Variants in LUZP2 observed in about 807,000 individuals in gnomAD.
LUZP2 encodes leucine zipper protein 2.
LUZP2 carries 52 observed loss-of-function variants against 51.6 expected under a neutral mutation model. The observed-to-expected ratio is 1.01, with a 90% CI of 0.81 to 1.27. LUZP2 has a LOEUF of 1.27. LUZP2 is among the 50% of genes most tolerant of loss of function. The pLI, the probability that LUZP2 is intolerant of heterozygous loss-of-function variation, is 0.00. For missense variants in LUZP2, 436 were observed against 395.4 expected (o/e 1.10, Z -0.87); for synonymous variants, 154 against 137.3 (o/e 1.12, Z -0.85).
intron 10 of LUZP2, among the ~76,000 whole-genome samples, chr11:25,071,395 T>G (rs891263025): frequency 6.6e-6 from 1 of 151,480 alleles, no homozygotes; most frequent in Non-Finnish European, 1.5e-5. Flanking sequence ...TAAAGTATAA[T>G]AATAATAAAA....
chr11:24,745,462 C>T (rs2716443), intron 4 of LUZP2, among the ~76,000 whole-genome samples: 51,159 of 151,890 alleles, frequency 0.34, 9,242 homozygotes, highest in East Asian at 0.57. Context: ...TATATAATGT[C>T]CCACTTTGTC....
At chr11:24,920,968 A>G (rs79461773) in intron 7 of LUZP2, among the ~76,000 whole-genome samples, 2,329 of 152,258 alleles carry the variant, frequency 0.015, 58 homozygotes, top group African/African-American at 0.052. Flanking sequence ...AATATTTTTA[A>G]AAACACATAA....
At chr11:24,534,234 A>G (rs1272804658) in intron 1 of LUZP2, among the ~76,000 whole-genome samples, 1 of 150,984 alleles carries the variant, frequency 6.6e-6, no homozygotes, top group Admixed American at 6.6e-5. Flanking sequence ...TCTGAGATTA[A>G]AAAAAACAAA....
At chr11:24,951,217 C>A (rs1054501432) in intron 7 of LUZP2, among the ~76,000 whole-genome samples, 1 of 151,464 alleles carries the variant, frequency 6.6e-6, no homozygotes, top group African/African-American at 2.4e-5. Flanking sequence ...ATTAAAGCAA[C>A]GTTGGGCCAC....
chr11:25,007,334 G>A (rs943846271), intron 9 of LUZP2, among the ~76,000 whole-genome samples: 5 of 152,190 alleles, frequency 3.3e-5, no homozygotes, highest in African/African-American at 1.2e-4. Flanking sequence ...CAGATTTGGT[G>A]GCTCACACCT....
chr11:24,506,176 C>A (rs1046656785), intron 1 of LUZP2, among the ~76,000 whole-genome samples: 1 of 152,058 alleles, frequency 6.6e-6, no homozygotes, highest in African/African-American at 2.4e-5. Context: ...AAAGGAGAAA[C>A]TTAGCACACT....
intron 5 of LUZP2, among the ~76,000 whole-genome samples, chr11:24,876,883 C>T (rs984752935): frequency 3.3e-5 from 5 of 152,018 alleles, no homozygotes; most frequent in African/African-American, 7.2e-5. Context: ...CAAACAGGAA[C>T]GGACAACATT....
chr11:24,891,513 C>A (rs1852852600), intron 5 of LUZP2: 2 of 955,630 alleles, frequency 2.1e-6, no homozygotes, highest in Non-Finnish European at 2.5e-6. Context: ...ATGCGAAAAT[C>A]AAAAGGAAGA....
intron 1 of LUZP2, among the ~76,000 whole-genome samples, chr11:24,497,682 G>A (rs897549561): frequency 6.6e-6 from 1 of 152,204 alleles, no homozygotes; most frequent in African/African-American, 2.4e-5. Flanking sequence ...TTACATTGGA[G>A]TTGTCTTAAT....
intron 9 of LUZP2, among the ~76,000 whole-genome samples, chr11:25,042,829 C>T (rs1858114931): frequency 6.6e-6 from 1 of 152,104 alleles, no homozygotes; most frequent in Non-Finnish European, 1.5e-5. Flanking sequence ...TATAAAGACA[C>T]TTGTGATAGC....
intron 1 of LUZP2, among the ~76,000 whole-genome samples, chr11:24,603,633 A>G (rs1853817948): frequency 6.6e-6 from 1 of 151,872 alleles, no homozygotes; most frequent in African/African-American, 2.4e-5. Context: ...TAAGTATACA[A>G]TCCTGTATGT....
At chr11:24,967,809 A>C (rs2133890969) in intron 7 of LUZP2, among the ~76,000 whole-genome samples, 1 of 152,180 alleles carries the variant, frequency 6.6e-6, no homozygotes, top group South Asian at 2.1e-4. Context: ...TAGCTGCCTT[A>C]AAGTGTTTTT....
intron 7 of LUZP2, among the ~76,000 whole-genome samples, chr11:24,929,993 G>A (rs1174107732): frequency 1.3e-5 from 2 of 152,156 alleles, no homozygotes; most frequent in South Asian, 2.1e-4. Context: ...GTCTGTCTTC[G>A]ACTTTTTTCA....
At chr11:24,931,148 T>C (rs1854435218) in intron 7 of LUZP2, among the ~76,000 whole-genome samples, 1 of 151,484 alleles carries the variant, frequency 6.6e-6, no homozygotes, top group Admixed American at 6.6e-5. Context: ...GAGGCAGAGG[T>C]TGCAGTGAGC....
chr11:25,063,687 C>A (rs566465067), intron 10 of LUZP2, among the ~76,000 whole-genome samples: 2 of 144,498 alleles, frequency 1.4e-5, no homozygotes, highest in South Asian at 4.5e-4. Context: ...ACATTTCTTC[C>A]AAAACTGAAT....
intron 5 of LUZP2, among the ~76,000 whole-genome samples, chr11:24,776,388 C>T (rs1338017375): frequency 6.6e-6 from 1 of 152,138 alleles, no homozygotes; most frequent in African/African-American, 2.4e-5. Context: ...ATTGCTAAGC[C>T]TGAGTCACAT....
At chr11:24,883,077 A>G (rs982118915) in intron 5 of LUZP2, among the ~76,000 whole-genome samples, 2 of 152,020 alleles carry the variant, frequency 1.3e-5, no homozygotes, top group African/African-American at 4.8e-5. Flanking sequence ...TATCTCAAGG[A>G]TGATCAACTA....
At chr11:24,783,609 A>G (rs1239148100) in intron 5 of LUZP2, among the ~76,000 whole-genome samples, 3 of 152,000 alleles carry the variant, frequency 2.0e-5, no homozygotes, top group Admixed American at 6.6e-5. Flanking sequence ...TATTTCATAC[A>G]TGAATCTGCA....
At chr11:24,817,651 C>G (rs550024105) in intron 5 of LUZP2, among the ~76,000 whole-genome samples, 32 of 151,900 alleles carry the variant, frequency 2.1e-4, no homozygotes, top group Non-Finnish European at 4.3e-4. Context: ...ATTTACTTTC[C>G]TCGAAGTAGA....
Sources: allele counts gnomAD v4.1 joint callset (sites outside exome capture counted in the v4.1 genomes callset), GRCh38; gene constraint gnomAD v4.1.1; transcripts MANE v1.5; gene names NCBI Gene and HGNC (gene_info 2026-07-23, HGNC 2026-07-21).